EXOC2: variants seen among roughly 807,000 people sequenced by gnomAD.
The protein encoded by EXOC2 is SEC5-like 1.
In EXOC2, 70 loss-of-function variants were observed where a neutral mutation model predicts 131.8. The observed-to-expected ratio is 0.53, with a 90% confidence interval of 0.44 to 0.65. The LOEUF (loss-of-function observed/expected upper bound fraction) is 0.65, where lower values mean the gene tolerates loss of function less well. Among genes scored for constraint, EXOC2 ranks in the 30% least tolerant of loss-of-function variants. EXOC2 has a pLI of 0.00. For synonymous variants in EXOC2, 411 were observed against 398.4 expected (o/e 1.03, Z -0.38); for missense variants, 923 against 1,108.6 (o/e 0.83, Z 2.38).
chr6:656,970 G>T, intron 1 of EXOC2: 1 of 1,490,712 alleles, frequency 6.7e-7, no homozygotes, highest in South Asian at 1.4e-5. Context: ...GCAGCTGGGG[G>T]CCTCTGAGGG....
intron 2 of EXOC2, among the ~76,000 whole-genome samples, chr6:635,724 G>A (rs1762067920): frequency 6.6e-6 from 1 of 152,146 alleles, no homozygotes; most frequent in Non-Finnish European, 1.5e-5. Flanking sequence ...TGGTTTCTTG[G>A]CAATATATAA....
chr6:574,146 C>T (rs76131956), intron 12 of EXOC2, among the ~76,000 whole-genome samples: 2,994 of 152,304 alleles, frequency 0.02, 97 homozygotes, highest in African/African-American at 0.068. Context: ...ACAAGACTGT[C>T]TTCGGTCTTT....
rs148155922 is a variant in EXOC2, at chr6:486,313, G to A, written c.*358C>T. The A allele has an allele frequency of 1.9e-3, 365 of 190,942 alleles. 2 individuals carry two copies. Among genetic ancestry groups the A allele is most frequent in the African/African-American group, 8.0e-3 (340 of 42,658 alleles). 11.8% of individuals were successfully genotyped at this position (190,942 alleles called of 1,614,324 possible). On this transcript the variant is annotated 3_prime_UTR_variant, in exon 28 of 28. Transcript: ENST00000230449. ...TGTCGTGGGAGCTGCCTGCGCTTCCGTGAACGGGACACTGAGAAATGCTTC... is the reference window on the plus strand; with the variant it reads ...TGTCGTGGGAGCTGCCTGCGCTTCCATGAACGGGACACTGAGAAATGCTTC...
intron 1 of EXOC2, among the ~76,000 whole-genome samples, chr6:650,733 A>T (rs1762791041): frequency 6.6e-6 from 1 of 152,152 alleles, no homozygotes; most frequent in Non-Finnish European, 1.5e-5. Flanking sequence ...GAAAGACTAA[A>T]CTGTAAAATT....
At chr6:659,782 AG>A (rs1334003276) in intron 1 of EXOC2, among the ~76,000 whole-genome samples, 5 of 152,202 alleles carry the variant, frequency 3.3e-5, no homozygotes, top group Non-Finnish European at 1.5e-5. Flanking sequence ...CCTGAGGAGC[AG>A]GGGGTACAAC....
intron 23 of EXOC2, among the ~76,000 whole-genome samples, chr6:503,145 A>G (rs752693539): frequency 1.4e-4 from 21 of 151,542 alleles, no homozygotes; most frequent in Non-Finnish European, 8.8e-5. Flanking sequence ...TAATCGCTGA[A>G]TTAAATACAG....
chr6:585,301 C>CA (rs1336878124), intron 11 of EXOC2, among the ~76,000 whole-genome samples: 1 of 152,150 alleles, frequency 6.6e-6, no homozygotes, highest in Non-Finnish European at 1.5e-5. Flanking sequence ...ATTTGGGCTA[C>CA]AGAGTTAGAG....
chr6:656,132 AAGAG>A, intron 1 of EXOC2: 2 of 1,612,038 alleles, frequency 1.2e-6, no homozygotes, highest in Non-Finnish European at 1.7e-6. Context: ...TGAAATACTG[AAGAG>A]AGACATCTTC....
rs1414755434 is a variant in EXOC2 at position 588,725 on chromosome 6, C to A, written c.1192+3744G>T. 2.0e-5 allele frequency among the ~76,000 whole-genome samples: 3 copies of A among 152,098 alleles called. No homozygotes were observed. In the East Asian group the frequency reaches 5.8e-4, roughly 29 times the overall value. ...TGCTCCCATTCCACGCACATTCTTT[C>A]GATTATTTCCCAAGTGATGAACAAG... On this transcript the variant is annotated intron_variant, in intron 11 of 27. Transcript: ENST00000230449.
intron 23 of EXOC2, among the ~76,000 whole-genome samples, chr6:504,810 G>A (rs1359791868): frequency 2.0e-5 from 3 of 152,174 alleles, no homozygotes; most frequent in African/African-American, 7.2e-5. Context: ...GCATCAACAG[G>A]TGGTGATATA....
intron 23 of EXOC2, among the ~76,000 whole-genome samples, chr6:532,096 C>T (rs1206589017): frequency 6.6e-6 from 1 of 152,142 alleles, no homozygotes; most frequent in African/African-American, 2.4e-5. Context: ...TAGAAGTGAC[C>T]AGATTTCTTT....
intron 7 of EXOC2, 125 bp downstream of exon 7, chr6:609,970 CACT>C (rs1760630259): frequency 3.1e-6 from 2 of 653,200 alleles, no homozygotes; most frequent in South Asian, 4.2e-5. Flanking sequence ...TTCATTAAAT[CACT>C]ACTATTTAGA....
chr6:560,642 T>C (rs1271249327), intron 17 of EXOC2, among the ~76,000 whole-genome samples: 1 of 152,130 alleles, frequency 6.6e-6, no homozygotes, highest in African/African-American at 2.4e-5. Context: ...GAATTAGCTA[T>C]AGACTAGTCA....
intron 17 of EXOC2, among the ~76,000 whole-genome samples, chr6:557,617 C>CAAAAAA (rs59474432): frequency 1.1e-4 from 12 of 110,908 alleles, no homozygotes; most frequent in East Asian, 2.5e-4. Context: ...GACTTCATCT[C>CAAAAAA]AAAAAAAAAA....
chr6:609,509 G>A (rs1760605408), intron 7 of EXOC2, among the ~76,000 whole-genome samples: 1 of 152,114 alleles, frequency 6.6e-6, no homozygotes, highest in Non-Finnish European at 1.5e-5. Context: ...TGGGACCTAG[G>A]ACATCAGAAA....
intron 1 of EXOC2, among the ~76,000 whole-genome samples, chr6:668,776 T>A (rs777779609): frequency 5.3e-5 from 8 of 152,234 alleles, no homozygotes; most frequent in Non-Finnish European, 1.0e-4. Context: ...TATTTGCATA[T>A]AACCCACACA....
rs538779433 is a variant in EXOC2 at position 551,073 on chromosome 6, A to C, written c.2122-1782T>G. Among the ~76,000 whole-genome samples, 21 of 152,382 alleles carry C rather than the reference A, an allele frequency of 1.4e-4. No individual in the cohort carries two copies. In the South Asian group the frequency reaches 4.3e-3, roughly 32 times the overall value. On this transcript the variant is annotated intron_variant, in intron 21 of 27. Coordinates refer to ENST00000230449, the MANE Select transcript of EXOC2 (RefSeq NM_018303.6). ...AGTGGAAAGAAAAACTGAACAGCACAGACTCTGGACCGTGGATGACTAGTC... is the reference window on the plus strand; with the variant it reads ...AGTGGAAAGAAAAACTGAACAGCACCGACTCTGGACCGTGGATGACTAGTC...
At position 675,476 on chromosome 6, in the gene EXOC2, G is replaced by T. The variant is rs1419489815; in HGVS notation, c.-44+17543C>A. Among the ~76,000 whole-genome samples the T allele has an allele frequency of 2.6e-5, 4 of 152,212 alleles. No homozygotes were observed. In the East Asian group the frequency reaches 7.7e-4, roughly 29 times the overall value. ...ACGTGTTCTCCATTCTAAAAGAAAT[G>T]GGCGCCCCATCAACCCATTGCTTTA... On this transcript the variant is annotated intron_variant, in intron 1 of 27. Coordinates refer to ENST00000230449, the MANE Select transcript of EXOC2 (RefSeq NM_018303.6).
At chr6:526,478 T>C (rs962948602) in intron 23 of EXOC2, among the ~76,000 whole-genome samples, 1 of 147,128 alleles carries the variant, frequency 6.8e-6, no homozygotes, top group Admixed American at 7.0e-5. Flanking sequence ...TTCGCTCTTG[T>C]TGCCCAGGCT....
Sources: gnomAD v4.1 joint callset for allele counts (sites outside exome capture counted in the v4.1 genomes callset) on GRCh38, gnomAD v4.1.1 for gene constraint, MANE v1.5 for transcripts, NCBI Gene and HGNC (gene_info 2026-07-23, HGNC 2026-07-21) for gene names.